Variants in DSCAM observed in about 807,000 individuals in gnomAD.
The protein encoded by DSCAM is DS cell adhesion molecule.
Under a neutral mutation model 217.7 loss-of-function variants are expected in DSCAM, and 47 were observed. That is an observed-to-expected ratio of 0.22 (90% CI 0.17 to 0.28). The LOEUF (loss-of-function observed/expected upper bound fraction) is 0.28, where lower values mean the gene tolerates loss of function less well. DSCAM is among the 10% of genes least tolerant of loss of function. The probability of loss-of-function intolerance (pLI) is 1.00; values close to 1 mark genes in which losing one functional copy is unlikely to be tolerated. For missense variants in DSCAM, 2,080 were observed against 2,618.3 expected (o/e 0.79, Z 4.49); for synonymous variants, 1,056 against 1,015.3 (o/e 1.04, Z -0.76).
intron 3 of DSCAM, among the ~76,000 whole-genome samples, chr21:40,655,306 G>A (rs1278318640): frequency 6.6e-6 from 1 of 152,116 alleles, no homozygotes; most frequent in African/African-American, 2.4e-5. Flanking sequence ...TCTAAAGGCT[G>A]GGAAGTCCAA....
intron 3 of DSCAM, chr21:40,383,787 T>G (rs1460998706): frequency 4.6e-5 from 7 of 152,224 alleles, no homozygotes; most frequent in Non-Finnish European, 8.8e-5. Context: ...CATTTAAAAG[T>G]AGTAATGCAT....
chr21:40,174,823 A>G (rs1032868782), intron 15 of DSCAM, among the ~76,000 whole-genome samples: 4 of 152,218 alleles, frequency 2.6e-5, no homozygotes, highest in African/African-American at 9.6e-5. Flanking sequence ...GCCGACTCAC[A>G]TCCACAGGCC....
chr21:40,345,431 A>G (rs796833738), intron 6 of DSCAM, among the ~76,000 whole-genome samples: 10 of 152,136 alleles, frequency 6.6e-5, no homozygotes, highest in African/African-American at 2.2e-4. Flanking sequence ...GCTTTTCCCA[A>G]AGTTTCTTGT....
intron 11 of DSCAM, among the ~76,000 whole-genome samples, chr21:40,270,320 G>C (rs145201534): frequency 1.3e-5 from 2 of 152,146 alleles, no homozygotes; most frequent in Non-Finnish European, 2.9e-5. Context: ...AAGCTTCTGC[G>C]GGAGACTCCT....
intron 3 of DSCAM, among the ~76,000 whole-genome samples, chr21:40,465,250 C>G (rs894248406): frequency 6.6e-6 from 1 of 152,056 alleles, no homozygotes; most frequent in Non-Finnish European, 1.5e-5. Flanking sequence ...TTTTGCTGCA[C>G]GAAACACATG....
chr21:40,797,503 G>T (rs916936350), intron 1 of DSCAM, among the ~76,000 whole-genome samples: 2 of 152,182 alleles, frequency 1.3e-5, no homozygotes, highest in Non-Finnish European at 2.9e-5. Flanking sequence ...TTTTTGACAG[G>T]CTGGTTTATG....
intron 11 of DSCAM, among the ~76,000 whole-genome samples, chr21:40,275,751 G>A (rs2073678190): frequency 1.3e-5 from 2 of 152,154 alleles, no homozygotes; most frequent in South Asian, 2.1e-4. Context: ...TTTTCCACGG[G>A]AAAATCAACA....
intron 3 of DSCAM, among the ~76,000 whole-genome samples, chr21:40,594,883 G>A (rs1009324550): frequency 9.2e-5 from 14 of 152,058 alleles, no homozygotes; most frequent in Admixed American, 7.2e-4. Context: ...AAGAGATATC[G>A]CTTGAGAATG....
At chr21:40,825,759 G>A (rs908464809) in intron 1 of DSCAM, among the ~76,000 whole-genome samples, 5 of 151,868 alleles carry the variant, frequency 3.3e-5, no homozygotes, top group African/African-American at 9.7e-5. Context: ...TTATGGGTGC[G>A]TGAGAGTTGA....
intron 3 of DSCAM, among the ~76,000 whole-genome samples, chr21:40,576,485 G>A (rs893501943): frequency 2.0e-5 from 3 of 152,270 alleles, no homozygotes; most frequent in Admixed American, 2.0e-4. Flanking sequence ...TTTAGGTGGT[G>A]TCAACTTGGG....
chr21:40,461,096 A>C (rs1032400230), intron 3 of DSCAM, among the ~76,000 whole-genome samples: 8 of 152,156 alleles, frequency 5.3e-5, no homozygotes, highest in Non-Finnish European at 1.2e-4. Context: ...ATATTCATAA[A>C]ATAGGAACAA....
At chr21:40,170,037 C>T (rs2090638635) in intron 15 of DSCAM, among the ~76,000 whole-genome samples, 2 of 152,156 alleles carry the variant, frequency 1.3e-5, no homozygotes, top group Non-Finnish European at 2.9e-5. Flanking sequence ...TTCACCCACC[C>T]TAGTAATTTT....
intron 8 of DSCAM, among the ~76,000 whole-genome samples, chr21:40,322,391 T>C (rs1218485267): frequency 6.6e-6 from 1 of 152,230 alleles, no homozygotes; most frequent in Non-Finnish European, 1.5e-5. Flanking sequence ...ATTTTTTGAG[T>C]TGAAACTTGT....
chr21:40,749,328 C>T (rs1462191315), intron 1 of DSCAM, among the ~76,000 whole-genome samples: 2 of 152,062 alleles, frequency 1.3e-5, no homozygotes, highest in African/African-American at 2.4e-5. Flanking sequence ...ATGCATCTGA[C>T]AAGGGATTAA....
In DSCAM at chr21:40,512,127, T is replaced by G. The variant is rs186333729; in HGVS notation, c.509-142882A>C. 3.2e-4 allele frequency among the ~76,000 whole-genome samples: 49 copies of G among 152,206 alleles called. No individual in the cohort carries two copies. The East Asian group carries it at 9.3e-3, about 29-fold the overall frequency. The stretch of plus-strand genomic sequence containing the variant: ...TTTGCAAGAAGAGAGTGTGTGTGTT[T>G]GCAGGAGGAAATTAACGTAGCAGTG... On this transcript the variant is annotated intron_variant, in intron 3 of 32. Transcript: ENST00000400454.
At chr21:40,768,708 C>A (rs977798351) in intron 1 of DSCAM, among the ~76,000 whole-genome samples, 1 of 152,190 alleles carries the variant, frequency 6.6e-6, no homozygotes, top group African/African-American at 2.4e-5. Context: ...TGCACTCAGA[C>A]CTCCTGATGT....
chr21:40,097,956 AAGAAAGAAAGAAAGAAAG>A lies in DSCAM; in HGVS notation c.3697-4100_3697-4083del, dbSNP rs1239216371. Among the ~76,000 whole-genome samples, 89 of 33,932 alleles carry A rather than the reference AAGAAAGAAAGAAAGAAAG, an allele frequency of 2.6e-3. 13 individuals are homozygous for A. Among genetic ancestry groups the A allele is most frequent in the African/African-American group, 0.016 (85 of 5,340 alleles). The allele number at this position is 33,932 out of a possible 152,430, so 22.3% of individuals were successfully genotyped here. On this transcript the variant is annotated intron_variant, in intron 20 of 32. Transcript: ENST00000400454. The stretch of plus-strand genomic sequence containing the variant: ...ACTCTGTCTCAAAAAAAAAAAAAAA[AAGAAAGAAAGAAAGAAAG>A]AAAGAAAGAAAGAAAGAAAGAAAGA...
At chr21:40,435,531 A>T (rs2075575129) in intron 3 of DSCAM, among the ~76,000 whole-genome samples, 3 of 129,204 alleles carry the variant, frequency 2.3e-5, no homozygotes, top group Admixed American at 9.3e-5. Context: ...ATACAAATTT[A>T]AAAACTGTAT....
At chr21:40,753,868 C>T (rs973839993) in intron 1 of DSCAM, among the ~76,000 whole-genome samples, 1 of 152,180 alleles carries the variant, frequency 6.6e-6, no homozygotes, top group South Asian at 2.1e-4. Context: ...TGGAGCTGGG[C>T]CTTGTCACGA....
Sources: gnomAD v4.1 joint callset for allele counts (sites outside exome capture counted in the v4.1 genomes callset) on GRCh38, gnomAD v4.1.1 for gene constraint, MANE v1.5 for transcripts, NCBI Gene and HGNC (gene_info 2026-07-23, HGNC 2026-07-21) for gene names.